Variants in SLC6A7 observed in about 807,000 individuals in gnomAD.
SLC6A7 encodes the protein sodium-dependent proline transporter.
A neutral mutation model predicts 73.1 loss-of-function variants in SLC6A7; 58 were observed. The ratio of observed to expected loss-of-function variants is 0.79; its 90% CI spans 0.64 to 0.99. The LOEUF (loss-of-function observed/expected upper bound fraction) is 0.99. Ranked by LOEUF, SLC6A7 falls within the 50% of genes least tolerant of loss-of-function variation. The pLI is 0.00. For missense variants in SLC6A7, 783 were observed against 831.4 expected (o/e 0.94, Z 0.72); for synonymous variants, 338 against 338.7 (o/e 1.00, Z 0.02).
At chr5:150,204,957 C>T in intron 12 of SLC6A7, 30 bp downstream of exon 12, 1 of 1,336,282 alleles carries the variant, frequency 7.5e-7, no homozygotes. Context: ...GGGTTTCTGG[C>T]TGGGGCCCCA....
chr5:150,205,668 G>A, intron 13 of SLC6A7, 45 bp downstream of exon 13: 1 of 1,538,774 alleles, frequency 6.5e-7, no homozygotes, highest in Non-Finnish European at 8.8e-7. Context: ...CTGACCTGTG[G>A]CCTGACCCTA....
intron 10 of SLC6A7, 98 bp downstream of exon 10, chr5:150,204,136 C>A: frequency 8.0e-7 from 1 of 1,243,202 alleles, no homozygotes; most frequent in Admixed American, 2.3e-5. Flanking sequence ...GGGCCCCCTC[C>A]ATCTTCCTCT....
chr5:150,197,089 T>G lies in SLC6A7; in HGVS notation c.397T>G (p.Tyr133Asp), dbSNP rs1257403810. 2 of 1,614,136 alleles carry G rather than the reference T, an allele frequency of 1.2e-6. No individual in the cohort carries two copies. Among genetic ancestry groups the G allele is most frequent in the Non-Finnish European group, 1.7e-6 (2 of 1,180,028 alleles). Residue 133 changes from tyrosine (Y) to aspartate (D), a missense_variant, in exon 4 of 14, where the codon TAC becomes GAC. Physicochemically the swap from Tyr to Asp is radical, Grantham distance 160. Transcript: ENST00000230671. Reference protein sequence around the residue: ...LLIVGLVAIYYNMIIAYVLFY... With the variant: ...LLIVGLVAIYDNMIIAYVLFY... ...CATCGTGGGCTTGGTGGCCATCTAC[T>G]ACAACATGATCATCGCCTACGTGCT...
In SLC6A7 at chr5:150,210,021, C is replaced by CT; in HGVS notation, c.*411dup. On this transcript the variant is annotated 3_prime_UTR_variant, in exon 14 of 14. Coordinates refer to ENST00000230671, the MANE Select transcript of SLC6A7 (RefSeq NM_014228.5). ...CTCTATTCAGGGCCTACACCCCTCCCTTTTTGGGGGGAGCCTGTCCCCACA... is the reference window on the plus strand; with the variant it reads ...CTCTATTCAGGGCCTACACCCCTCCCTTTTTTGGGGGGAGCCTGTCCCCACA... 1 of 225,358 alleles carries CT rather than the reference C, an allele frequency of 4.4e-6. No individual in the cohort carries two copies. The highest frequency in any genetic ancestry group is 9.0e-6 in the Non-Finnish European group (1 of 111,192). The allele number at this position is 225,358 out of a possible 1,614,324, so 14.0% of individuals were successfully genotyped here. A position where few individuals can be genotyped will look rare whatever the true frequency, so the allele number is the denominator to read the frequency against.
At chr5:150,196,566 C>A (rs1174785363) in intron 2 of SLC6A7, 150 bp from the exon 3 acceptor site, 30 of 752,254 alleles carry the variant, frequency 4.0e-5, no homozygotes, top group Non-Finnish European at 6.0e-5. Context: ...GCCACTCTGG[C>A]CCTCAGCAGT....
At position 150,194,494 on chromosome 5, in the gene SLC6A7, A is replaced by C. The variant is rs566036134; in HGVS notation, c.34-234A>C. 5.3e-5 allele frequency among the ~76,000 whole-genome samples: 8 copies of C among 151,936 alleles called. No homozygotes were observed. The East Asian group carries it at 7.7e-4, about 15-fold the overall frequency. The stretch of plus-strand genomic sequence containing the variant: ...CATCTGTGTTAGCCAGACTAAGGTC[A>C]GGGTAGCTTTGTTAGTGCCTAAGCT... On this transcript the variant is annotated intron_variant, in intron 1 of 13. Transcript: ENST00000230671.
rs1379039049 is a variant in SLC6A7 at position 150,204,845 on chromosome 5, G to A, written c.1451G>A (p.Arg484Gln). 7.5e-6 allele frequency: 12 copies of A among 1,610,172 alleles called. No homozygotes were observed. Among genetic ancestry groups the A allele is most frequent in the East Asian group, 2.2e-5 (1 of 44,730 alleles). The change falls in exon 12 of 14, where the codon CGA becomes CAA. Residue 484 changes from arginine (R) to glutamine (Q), a missense_variant. Transcript: ENST00000230671. ...TGTGCAGGCATTCAGAGGTTCTGCCGAGACATCCACATGATGCTGGGCTTC... is the reference window on the plus strand; with the variant it reads ...TGTGCAGGCATTCAGAGGTTCTGCCAAGACATCCACATGATGCTGGGCTTC... The part of the protein sequence containing the change: ...TRVYGIQRFC[R>Q]DIHMMLGFKP...
chr5:150,201,229 C>T lies in SLC6A7; in HGVS notation c.858+6C>T, dbSNP rs1753366010. ...ACCACTTGTTGTCTTCCAAGGTGAG[C>T]CCCTCAGGGCGGGGTGCAGAGGGAG... On this transcript the variant is annotated splice_donor_region_variant and intron_variant, in intron 6 of 13. Coordinates refer to ENST00000230671, the MANE Select transcript of SLC6A7 (RefSeq NM_014228.5). 7.5e-6 allele frequency: 12 copies of T among 1,600,568 alleles called. No homozygotes were observed. Among genetic ancestry groups the T allele is most frequent in the Non-Finnish European group, 1.0e-5 (12 of 1,173,132 alleles).
At chr5:150,205,009 G>A (rs1753612779) in intron 12 of SLC6A7, 82 bp downstream of exon 12, 1 of 847,560 alleles carries the variant, frequency 1.2e-6, no homozygotes, top group African/African-American at 1.7e-5. Flanking sequence ...CAGTCTGGTA[G>A]GGCCACCCTG....
intron 4 of SLC6A7, among the ~76,000 whole-genome samples, chr5:150,198,927 T>A (rs1054669426): frequency 6.6e-6 from 1 of 151,524 alleles, no homozygotes; most frequent in Non-Finnish European, 1.5e-5. Context: ...AGTCTCCCAC[T>A]GTTGCCTCCC....
In SLC6A7 at chr5:150,199,385, C is replaced by G. The variant is rs189880816; in HGVS notation, c.723+19C>G. 4.4e-6 allele frequency: 7 copies of G among 1,599,178 alleles called. No individual in the cohort carries two copies. In the South Asian group the frequency reaches 7.8e-5, roughly 18 times the overall value. On this transcript the variant is annotated intron_variant, in intron 5 of 13. Coordinates refer to ENST00000230671, the MANE Select transcript of SLC6A7 (RefSeq NM_014228.5). Reference sequence around the variant, plus strand: ...GGGCAAGGTGAAGCCTGGGAGGCCCCGGAGGCCTGAGGGGCTGGATGGGGT... The same window carrying G: ...GGGCAAGGTGAAGCCTGGGAGGCCCGGGAGGCCTGAGGGGCTGGATGGGGT...
rs753681905 is a variant in SLC6A7, at chr5:150,209,390, C to T, written c.1702-16C>T. 17 of 1,609,298 alleles carry T rather than the reference C, an allele frequency of 1.1e-5. No individual in the cohort carries two copies. The highest frequency in any genetic ancestry group is 8.0e-5 in the African/African-American group (6 of 74,856). Reference sequence around the variant, plus strand: ...GCCTGTTTCCTGTTTTCACTGCTCTCGTTGCTTTGCTGCAGCGGCTCCAAC... The same window carrying T: ...GCCTGTTTCCTGTTTTCACTGCTCTTGTTGCTTTGCTGCAGCGGCTCCAAC... On this transcript the variant is annotated splice_polypyrimidine_tract_variant and intron_variant, in intron 13 of 13. Transcript: ENST00000230671.
chr5:150,206,554 C>G (rs1002738315), intron 13 of SLC6A7, among the ~76,000 whole-genome samples: 1 of 152,220 alleles, frequency 6.6e-6, no homozygotes, highest in Non-Finnish European at 1.5e-5. Flanking sequence ...CCGTGTAGCT[C>G]CTGCCCCTCA....
chr5:150,190,713 G>C (rs755099585), intron 1 of SLC6A7, among the ~76,000 whole-genome samples: 3 of 152,194 alleles, frequency 2.0e-5, no homozygotes, highest in Non-Finnish European at 4.4e-5. Context: ...GCTGATTGCC[G>C]GGTGTGGGGG....
In SLC6A7 at chr5:150,196,705, G is replaced by A. The variant is rs199730266; in HGVS notation, c.218-11G>A. The A allele has an allele frequency of 9.4e-5, 152 of 1,611,334 alleles. No individual in the cohort carries two copies. Among genetic ancestry groups the A allele is most frequent in the Middle Eastern group, 6.6e-4 (4 of 6,048 alleles). Reference sequence around the variant, plus strand: ...CCCCAAGGCCCTTGCTGACCACCCCGCTCCCGGCAGGCGCCTTCCTCGTGC... The same window carrying A: ...CCCCAAGGCCCTTGCTGACCACCCCACTCCCGGCAGGCGCCTTCCTCGTGC... On this transcript the variant is annotated splice_polypyrimidine_tract_variant and intron_variant, in intron 2 of 13. Coordinates refer to ENST00000230671, the MANE Select transcript of SLC6A7 (RefSeq NM_014228.5).
intron 11 of SLC6A7, 98 bp downstream of exon 11, chr5:150,204,729 G>GA: frequency 7.4e-7 from 1 of 1,344,900 alleles, no homozygotes; most frequent in Non-Finnish European, 1.1e-6. Flanking sequence ...GGTCCCAAGG[G>GA]CCAGGGTTTC....
At chr5:150,204,151 A>C in intron 10 of SLC6A7, 113 bp downstream of exon 10, 1 of 1,096,134 alleles carries the variant, frequency 9.1e-7, no homozygotes. Flanking sequence ...TCCTCTTTGC[A>C]AGGAACCCAG....
chr5:150,199,489 G>A lies in SLC6A7; in HGVS notation c.723+123G>A, dbSNP rs1007289169. 3.1e-5 allele frequency: 21 copies of A among 666,868 alleles called. No homozygotes were observed. In the African/African-American group the frequency reaches 3.4e-4, roughly 11 times the overall value. The allele number at this position is 666,868 out of a possible 1,614,324, so 41.3% of individuals were successfully genotyped here. On this transcript the variant is annotated intron_variant, in intron 5 of 13. Transcript: ENST00000230671. ...CTTCAGCTGGGCAGAGGGGAAGGGA[G>A]AGAGCCTTGAGACTGGGGGATGAGG...
At chr5:150,199,545 C>T (rs967162061) in intron 5 of SLC6A7, among the ~76,000 whole-genome samples, 179 bp downstream of exon 5, 2 of 152,102 alleles carry the variant, frequency 1.3e-5, no homozygotes, top group Non-Finnish European at 1.5e-5. Flanking sequence ...GAGGTGAGGA[C>T]GCACGGGGGC....
Sources: allele counts gnomAD v4.1 joint callset (sites outside exome capture counted in the v4.1 genomes callset), GRCh38; gene constraint gnomAD v4.1.1; transcripts MANE v1.5; gene names NCBI Gene and HGNC (gene_info 2026-07-23, HGNC 2026-07-21).